The following DCC variants were observed in gnomAD, a reference collection of about 807,000 sequenced individuals.
DCC encodes DCC netrin 1 receptor, also known as netrin receptor DCC.
DCC carries 58 observed loss-of-function variants against 172.5 expected under a neutral mutation model. The observed-to-expected ratio is 0.34, with a 90% CI of 0.27 to 0.42. The LOEUF is 0.42. Ranked by LOEUF, DCC falls within the 10% of genes least tolerant of loss-of-function variation. DCC has a pLI of 1.00. For synonymous variants in DCC, 709 were observed against 644.5 expected (o/e 1.10, Z -1.52); for missense variants, 1,740 against 1,791.0 (o/e 0.97, Z 0.51).
chr18:53,052,134 CTAATTTATGTATTAGTTATA>C (rs944714648), intron 5 of DCC, among the ~76,000 whole-genome samples: 145 of 152,046 alleles, frequency 9.5e-4, no homozygotes, highest in African/African-American at 3.3e-3. Context: ...CTTGTACTTT[CTAATTTATGTATTAGTTATA>C]TAATGATGTT....
At chr18:52,740,463 T>C (rs886684340) in intron 1 of DCC, among the ~76,000 whole-genome samples, 1 of 152,194 alleles carries the variant, frequency 6.6e-6, no homozygotes, top group Non-Finnish European at 1.5e-5. Flanking sequence ...TTGGCCTCTA[T>C]CTTTAGAAAA....
chr18:52,964,532 G>A (rs1181867946), intron 5 of DCC, among the ~76,000 whole-genome samples: 1 of 152,010 alleles, frequency 6.6e-6, no homozygotes, highest in Non-Finnish European at 1.5e-5. Flanking sequence ...TACGTCAATC[G>A]ATCGTAATTG....
intron 21 of DCC, among the ~76,000 whole-genome samples, chr18:53,432,954 G>C (rs138811786): frequency 8.7e-4 from 133 of 152,184 alleles, no homozygotes; most frequent in African/African-American, 2.9e-3. Context: ...TGCAAGAAAT[G>C]TGAATCACTA....
chr18:53,460,644 T>C (rs1471425038), intron 24 of DCC, among the ~76,000 whole-genome samples: 5 of 152,008 alleles, frequency 3.3e-5, no homozygotes, highest in African/African-American at 1.2e-4. Flanking sequence ...TATTCCATGG[T>C]GTATATGTGC....
intron 1 of DCC, among the ~76,000 whole-genome samples, chr18:52,360,001 C>T (rs961250285): frequency 6.6e-6 from 1 of 152,066 alleles, no homozygotes; most frequent in Admixed American, 6.5e-5. Context: ...TGCTATAATT[C>T]CTAGATAAAT....
At chr18:52,457,796 A>G (rs1361661570) in intron 1 of DCC, among the ~76,000 whole-genome samples, 1 of 152,208 alleles carries the variant, frequency 6.6e-6, no homozygotes, top group Non-Finnish European at 1.5e-5. Context: ...GATCATATGC[A>G]CTTATTTAAT....
At chr18:53,066,898 C>T (rs944010399) in intron 7 of DCC, among the ~76,000 whole-genome samples, 11 of 151,966 alleles carry the variant, frequency 7.2e-5, no homozygotes, top group African/African-American at 2.7e-4. Flanking sequence ...GGCGAAGGGG[C>T]AGCAAGTGCA....
At chr18:52,614,576 TA>T (rs2034342202) in intron 1 of DCC, among the ~76,000 whole-genome samples, 1 of 152,164 alleles carries the variant, frequency 6.6e-6, no homozygotes, top group African/African-American at 2.4e-5. Flanking sequence ...ACCTTGAGGA[TA>T]ATACCCCAGC....
chr18:53,489,262 T>TTCAG (rs1368798126), intron 26 of DCC, among the ~76,000 whole-genome samples: 1 of 152,186 alleles, frequency 6.6e-6, no homozygotes, highest in Non-Finnish European at 1.5e-5. Flanking sequence ...TAAATACATC[T>TTCAG]TCAGTCATTC....
At chr18:53,047,212 T>G in intron 5 of DCC, among the ~76,000 whole-genome samples, 1 of 118,120 alleles carries the variant, frequency 8.5e-6, no homozygotes, top group Non-Finnish European at 1.7e-5. Flanking sequence ...AAGGCTATCC[T>G]GGTGAGCCAT....
chr18:52,562,652 A>T (rs2033065619), intron 1 of DCC, among the ~76,000 whole-genome samples: 1 of 152,176 alleles, frequency 6.6e-6, no homozygotes, highest in Non-Finnish European at 1.5e-5. Context: ...GCACACTATG[A>T]TTTATATACG....
intron 7 of DCC, among the ~76,000 whole-genome samples, chr18:53,156,274 C>A (rs1266076553): frequency 6.6e-6 from 1 of 151,932 alleles, no homozygotes; most frequent in Non-Finnish European, 1.5e-5. Context: ...CACTTGAGGT[C>A]AGGAGTTCGA....
intron 8 of DCC, among the ~76,000 whole-genome samples, chr18:53,168,274 T>C (rs981332799): frequency 2.0e-5 from 3 of 152,114 alleles, no homozygotes; most frequent in Non-Finnish European, 1.5e-5. Context: ...CGTGTGTTTA[T>C]TGCGGCACTG....
intron 5 of DCC, among the ~76,000 whole-genome samples, chr18:52,993,382 A>G (rs1397834587): frequency 1.3e-5 from 2 of 152,188 alleles, no homozygotes; most frequent in African/African-American, 4.8e-5. Flanking sequence ...GGAGGAGCAC[A>G]TTATAACTCT....
At chr18:52,713,876 G>A (rs1466955809) in intron 1 of DCC, among the ~76,000 whole-genome samples, 1 of 152,140 alleles carries the variant, frequency 6.6e-6, no homozygotes, top group Non-Finnish European at 1.5e-5. Flanking sequence ...CTGTGTCAGG[G>A]CAGACCAAAA....
chr18:52,500,006 C>A (rs1015602537), intron 1 of DCC, among the ~76,000 whole-genome samples: 1 of 152,116 alleles, frequency 6.6e-6, no homozygotes, highest in Non-Finnish European at 1.5e-5. Context: ...ACACCTTTCC[C>A]AGCCTCCATT....
chr18:52,865,950 T>TGGAG (rs2039221570), intron 2 of DCC, among the ~76,000 whole-genome samples: 3 of 11,844 alleles, frequency 2.5e-4, no homozygotes, highest in Admixed American at 2.2e-3. Flanking sequence ...CTTTTGGTGG[T>TGGAG]TATGAAGTCT....
At position 52,521,572 on chromosome 18, in the gene DCC, G is replaced by A. The variant is rs564327377; in HGVS notation, c.91+180694G>A. 5.3e-5 allele frequency among the ~76,000 whole-genome samples: 8 copies of A among 152,128 alleles called. No individual in the cohort carries two copies. The South Asian group carries it at 8.3e-4, about 16-fold the overall frequency. On this transcript the variant is annotated intron_variant, in intron 1 of 28. Transcript: ENST00000442544. ...TGGGAGTTAGAGGTTCAATATATTC[G>A]TGGCAGGGTGGGGCAGGGGATATCA...
chr18:53,249,832 G>A (rs2056407764), intron 12 of DCC, among the ~76,000 whole-genome samples: 1 of 151,924 alleles, frequency 6.6e-6, no homozygotes, highest in African/African-American at 2.4e-5. Context: ...ATGGCATCAT[G>A]ATTAATTGTA....
Sources: gnomAD v4.1 joint callset for allele counts (sites outside exome capture counted in the v4.1 genomes callset) on GRCh38, gnomAD v4.1.1 for gene constraint, MANE v1.5 for transcripts, NCBI Gene and HGNC (gene_info 2026-07-23, HGNC 2026-07-21) for gene names.